AP2B1: variants seen among roughly 807,000 people sequenced by gnomAD.
The protein encoded by AP2B1 is adaptor related protein complex 2 subunit beta 1, also known as AP-2 complex subunit beta.
AP2B1 carries 23 observed loss-of-function variants against 102.0 expected under a neutral mutation model. That is an observed-to-expected ratio of 0.23 (90% CI 0.16 to 0.32). The LOEUF is 0.32. Ranked by LOEUF, AP2B1 falls within the 10% of genes least tolerant of loss-of-function variation. The pLI is 1.00. For missense variants in AP2B1, 541 were observed against 1,157.4 expected (o/e 0.47, Z 7.73); for synonymous variants, 381 against 421.2 (o/e 0.90, Z 1.17).
At chr17:35,590,302 T>C (rs1269972256) in intron 1 of AP2B1, among the ~76,000 whole-genome samples, 3 of 152,178 alleles carry the variant, frequency 2.0e-5, no homozygotes, top group Non-Finnish European at 2.9e-5. Flanking sequence ...TGATTAAGTG[T>C]ATCTCTCATT....
chr17:35,680,356 T>C (rs150078260), intron 17 of AP2B1, among the ~76,000 whole-genome samples: 150 of 152,312 alleles, frequency 9.8e-4, no homozygotes, highest in African/African-American at 3.5e-3. Context: ...TTATAAAATT[T>C]TGTTTTCTTC....
chr17:35,654,302 G>C (rs2075164669), intron 13 of AP2B1, among the ~76,000 whole-genome samples: 1 of 151,872 alleles, frequency 6.6e-6, no homozygotes, highest in African/African-American at 2.4e-5. Flanking sequence ...GACCTCAGGT[G>C]ATCTGCCGAC....
chr17:35,680,705 T>TTTG (rs1555576269), intron 17 of AP2B1, among the ~76,000 whole-genome samples: 2 of 147,862 alleles, frequency 1.4e-5, no homozygotes, highest in African/African-American at 5.0e-5. Flanking sequence ...TTTTTGTTTT[T>TTTG]TTTTTTTTTT....
At position 35,650,831 on chromosome 17, in the gene AP2B1, G is replaced by C. The variant is rs370102972; in HGVS notation, c.1796+42G>C. ...TGTCTCTGAGTGAGAAATGACTCTTGTTTAGACAGCGTTGCTCTTCTTTAT... is the reference window on the plus strand; with the variant it reads ...TGTCTCTGAGTGAGAAATGACTCTTCTTTAGACAGCGTTGCTCTTCTTTAT... On this transcript the variant is annotated intron_variant, in intron 13 of 21. Coordinates refer to ENST00000610402, the MANE Select transcript of AP2B1 (RefSeq NM_001030006.2). 5.0e-6 allele frequency: 8 copies of C among 1,597,956 alleles called. No individual in the cohort carries two copies. The Admixed American group carries it at 5.1e-5, about 10-fold the overall frequency.
intron 4 of AP2B1, among the ~76,000 whole-genome samples, chr17:35,606,843 A>G (rs377733521): frequency 1.3e-5 from 2 of 152,304 alleles, no homozygotes; most frequent in African/African-American, 4.8e-5. Flanking sequence ...TTATTATTGA[A>G]TATCCAGTCA....
intron 5 of AP2B1, chr17:35,621,243 C>T (rs1048293210): frequency 1.1e-6 from 1 of 936,206 alleles, no homozygotes; most frequent in Non-Finnish European, 1.3e-6. Flanking sequence ...CAGTTGCTGT[C>T]TCAAAGTTAG....
chr17:35,637,209 T>C (rs225267), intron 10 of AP2B1, among the ~76,000 whole-genome samples: 132,475 of 152,196 alleles, frequency 0.87, 58,067 homozygotes, highest in African/African-American at 0.97. Context: ...TTTTTTGAGA[T>C]GGAGTCTCAC....
chr17:35,677,812 C>G (rs1338291080), intron 17 of AP2B1, among the ~76,000 whole-genome samples: 2 of 150,964 alleles, frequency 1.3e-5, no homozygotes, highest in East Asian at 1.9e-4. Flanking sequence ...ACAAATCTTA[C>G]CTTTTGTCAG....
intron 12 of AP2B1, among the ~76,000 whole-genome samples, chr17:35,649,601 G>A (rs142670226): frequency 2.6e-3 from 396 of 152,218 alleles, no homozygotes; most frequent in African/African-American, 9.0e-3. Context: ...TCCTAAGGCC[G>A]TCTCAACCAG....
chr17:35,617,685 A>G (rs1396528504), intron 5 of AP2B1, among the ~76,000 whole-genome samples: 3 of 152,142 alleles, frequency 2.0e-5, no homozygotes, highest in Non-Finnish European at 4.4e-5. Context: ...GTTTGCCAGT[A>G]TATCAAGGCT....
chr17:35,721,792 T>C (rs1046224353), intron 21 of AP2B1, among the ~76,000 whole-genome samples: 9 of 152,224 alleles, frequency 5.9e-5, no homozygotes, highest in African/African-American at 1.4e-4. Flanking sequence ...GGGGAGTATT[T>C]GGGGACTACC....
rs77114406 is a variant in AP2B1 at position 35,628,470 on chromosome 17, G to A, written c.1155+744G>A. ...TTTTTTAAGTTAGCTGGGTGTGGTG[G>A]CACACACCTGTAGTCCCAGCTACTT... On this transcript the variant is annotated intron_variant, in intron 9 of 21. Transcript: ENST00000610402. Among the ~76,000 whole-genome samples the A allele has an allele frequency of 1.3e-3, 201 of 152,262 alleles. 2 individuals are homozygous for A. Among genetic ancestry groups the A allele is most frequent in the African/African-American group, 4.6e-3 (190 of 41,542 alleles).
intron 1 of AP2B1, among the ~76,000 whole-genome samples, chr17:35,592,584 C>A (rs1185003833): frequency 6.6e-6 from 1 of 151,600 alleles, no homozygotes; most frequent in Non-Finnish European, 1.5e-5. Context: ...GCTCTGTTGC[C>A]CAGGCTGGAG....
At chr17:35,702,922 A>G (rs1397800862) in intron 18 of AP2B1, among the ~76,000 whole-genome samples, 1 of 152,230 alleles carries the variant, frequency 6.6e-6, no homozygotes, top group Non-Finnish European at 1.5e-5. Flanking sequence ...CTTATACACT[A>G]TTGAAGAGCA....
intron 17 of AP2B1, among the ~76,000 whole-genome samples, chr17:35,679,936 T>C (rs1462613300): frequency 6.6e-6 from 1 of 151,926 alleles, no homozygotes; most frequent in African/African-American, 2.4e-5. Context: ...TCTTTTTTTT[T>C]TTTTTTTGAG....
intron 20 of AP2B1, among the ~76,000 whole-genome samples, chr17:35,710,742 T>C (rs1555587106): frequency 1.3e-5 from 2 of 152,340 alleles, no homozygotes; most frequent in Non-Finnish European, 2.9e-5. Context: ...CTTAGAACCC[T>C]GTGTTTATAA....
intron 3 of AP2B1, among the ~76,000 whole-genome samples, chr17:35,605,168 GTTCTGAGA>G (rs2073626749): frequency 6.6e-6 from 1 of 151,744 alleles, no homozygotes; most frequent in Non-Finnish European, 1.5e-5. Context: ...GCCTCCCAAA[GTTCTGAGA>G]TTGCATACCT....
chr17:35,665,878 G>C (rs1230855015), intron 14 of AP2B1, among the ~76,000 whole-genome samples: 1 of 152,144 alleles, frequency 6.6e-6, no homozygotes, highest in African/African-American at 2.4e-5. Flanking sequence ...TAGGTCAAAG[G>C]GGCTAACCCA....
intron 20 of AP2B1, 97 bp downstream of exon 20, chr17:35,710,417 C>G: frequency 1.3e-6 from 1 of 793,802 alleles, no homozygotes; most frequent in Non-Finnish European, 2.1e-6. Flanking sequence ...TATCCTCCCC[C>G]GTATCTACTA....
Sources: gnomAD v4.1 joint callset for allele counts (sites outside exome capture counted in the v4.1 genomes callset) on GRCh38, gnomAD v4.1.1 for gene constraint, MANE v1.5 for transcripts, NCBI Gene and HGNC (gene_info 2026-07-23, HGNC 2026-07-21) for gene names.